The following BCAS1 variants were observed in gnomAD, a reference collection of about 807,000 sequenced individuals.
BCAS1 encodes breast carcinoma-amplified sequence 1.
A neutral mutation model predicts 65.4 loss-of-function variants in BCAS1; 46 were observed. The observed-to-expected ratio is 0.70, with a 90% confidence interval of 0.55 to 0.90. BCAS1 has a LOEUF of 0.90. BCAS1 is among the 40% of genes least tolerant of loss of function. The pLI is 0.00. For missense variants in BCAS1, 793 were observed against 771.2 expected, an observed-to-expected ratio of 1.03 and a Z score of -0.33; for synonymous variants, 298 against 293.5, an observed-to-expected ratio of 1.02 and a Z score of -0.16.
intron 12 of BCAS1, among the ~76,000 whole-genome samples, chr20:53,947,823 C>T (rs1238210839): frequency 6.6e-6 from 1 of 152,210 alleles, no homozygotes; most frequent in East Asian, 1.9e-4. Flanking sequence ...CGACTCATCT[C>T]TGCACCTTTA....
intron 1 of BCAS1, among the ~76,000 whole-genome samples, chr20:54,066,068 A>ATTT (rs1051455563): frequency 2.1e-5 from 3 of 146,028 alleles, no homozygotes; most frequent in Non-Finnish European, 3.0e-5. Context: ...TGAGGCAGGT[A>ATTT]TTTTTTTTCT....
chr20:53,984,001 A>G (rs1291398994), intron 8 of BCAS1, among the ~76,000 whole-genome samples: 2 of 150,002 alleles, frequency 1.3e-5, no homozygotes. Context: ...TACTATCAGA[A>G]CCATTATTTA....
intron 10 of BCAS1, among the ~76,000 whole-genome samples, chr20:53,957,883 G>GTT (rs541840378): frequency 4.3e-5 from 6 of 137,934 alleles, no homozygotes; most frequent in Non-Finnish European, 8.0e-5. Flanking sequence ...GTGTTTTATT[G>GTT]TTTTTTTTTT....
At chr20:53,979,556 C>T (rs192883295) in intron 8 of BCAS1, among the ~76,000 whole-genome samples, 4 of 152,180 alleles carry the variant, frequency 2.6e-5, no homozygotes, top group East Asian at 1.9e-4. Context: ...GGTGAACTCT[C>T]GTGGGCTTGG....
chr20:53,978,669 C>T (rs983822757), intron 8 of BCAS1, among the ~76,000 whole-genome samples: 1 of 152,210 alleles, frequency 6.6e-6, no homozygotes, highest in African/African-American at 2.4e-5. Flanking sequence ...TATTCTTGTA[C>T]ATTTGCACAC....
At chr20:54,065,828 T>C (rs1011579364) in intron 1 of BCAS1, among the ~76,000 whole-genome samples, 5 of 152,198 alleles carry the variant, frequency 3.3e-5, no homozygotes, top group Non-Finnish European at 7.3e-5. Context: ...ATAGATTCCT[T>C]GCGTGGAGCT....
rs755001646 is a variant in BCAS1, at chr20:53,996,048, G to C, written c.726C>G (p.Asp242Glu). 7 of 1,593,178 alleles carry C rather than the reference G, an allele frequency of 4.4e-6. No individual in the cohort carries two copies. Among genetic ancestry groups the C allele is most frequent in the Non-Finnish European group, 5.1e-6 (6 of 1,169,922 alleles). Reference sequence around the variant, plus strand: ...CTTCTTTTTCCTTGCCGTCAACTATGTCCTAGGGGCAAAACAGTTGTCACA... The same window carrying C: ...CTTCTTTTTCCTTGCCGTCAACTATCTCCTAGGGGCAAAACAGTTGTCACA... ...GQSDDVPAGK[D>E]IVDGKEKEGQ... The change falls in exon 5 of 13, where the codon GAC (aspartate) becomes GAG (glutamate). Residue 242 changes from aspartate to glutamate, a missense_variant and splice_region_variant. Physicochemically the swap from Asp to Glu is conservative, Grantham distance 45. Coordinates refer to ENST00000688948, the MANE Select transcript of BCAS1 (RefSeq NM_001366298.2).
At chr20:53,961,763 G>C (rs1416289706) in intron 10 of BCAS1, among the ~76,000 whole-genome samples, 2 of 152,164 alleles carry the variant, frequency 1.3e-5, no homozygotes, top group East Asian at 3.8e-4. Flanking sequence ...GTGAGCTTTA[G>C]AACAACAAAA....
intron 4 of BCAS1, among the ~76,000 whole-genome samples, chr20:54,006,439 G>A (rs2091192187): frequency 6.6e-6 from 1 of 152,180 alleles, no homozygotes; most frequent in African/African-American, 2.4e-5. Flanking sequence ...GCTGGGCATG[G>A]TGGCTCACGC....
intron 4 of BCAS1, among the ~76,000 whole-genome samples, chr20:54,011,662 G>C (rs921421870): frequency 6.6e-6 from 1 of 152,200 alleles, no homozygotes; most frequent in Non-Finnish European, 1.5e-5. Flanking sequence ...TGGTAGAAAT[G>C]TAAAGGGATA....
rs147465018 is a variant in BCAS1, at chr20:54,039,579, T to G, written c.143-10607A>C. On this transcript the variant is annotated intron_variant, in intron 3 of 12. Coordinates refer to ENST00000688948, the MANE Select transcript of BCAS1 (RefSeq NM_001366298.2). ...TTAATCATATATTTCCTGTCATTCA[T>G]GTGCTACAAAACTCTGGAATATGCA... 4.6e-5 allele frequency among the ~76,000 whole-genome samples: 7 copies of G among 151,578 alleles called. 1 individual carries two copies. In the East Asian group the frequency reaches 1.3e-3, roughly 29 times the overall value.
intron 10 of BCAS1, among the ~76,000 whole-genome samples, chr20:53,964,226 G>A (rs1456321668): frequency 6.6e-6 from 1 of 152,190 alleles, no homozygotes; most frequent in African/African-American, 2.4e-5. Context: ...TTCTCTATCA[G>A]GGATTGCAAA....
intron 12 of BCAS1, among the ~76,000 whole-genome samples, chr20:53,947,674 A>G (rs2089371585): frequency 6.6e-6 from 1 of 152,066 alleles, no homozygotes; most frequent in African/African-American, 2.4e-5. Context: ...TCCTGCCAGT[A>G]AGTGGGGTGC....
intron 10 of BCAS1, among the ~76,000 whole-genome samples, chr20:53,959,473 C>T (rs990921389): frequency 6.6e-6 from 1 of 152,152 alleles, no homozygotes. Context: ...AGGCTGGTCT[C>T]AAACTCCTGA....
chr20:53,967,110 CA>C (rs1473978319), intron 9 of BCAS1, 37 bp from the exon 10 acceptor site: 1 of 1,597,732 alleles, frequency 6.3e-7, no homozygotes, highest in African/African-American at 1.3e-5. Context: ...AAATGAAAAA[CA>C]AAACATTCCC....
intron 3 of BCAS1, among the ~76,000 whole-genome samples, chr20:54,051,146 A>G (rs764730037): frequency 6.6e-6 from 1 of 152,164 alleles, no homozygotes; most frequent in Admixed American, 6.5e-5. Context: ...TGTTTCACTA[A>G]ATGGAACAGC....
intron 4 of BCAS1, among the ~76,000 whole-genome samples, chr20:53,998,873 T>C (rs1249891468): frequency 6.6e-6 from 1 of 152,222 alleles, no homozygotes; most frequent in Non-Finnish European, 1.5e-5. Context: ...GCATTAAACA[T>C]ATGTCACTTA....
intron 9 of BCAS1, among the ~76,000 whole-genome samples, chr20:53,974,966 G>A (rs949820139): frequency 6.6e-6 from 1 of 152,172 alleles, no homozygotes; most frequent in Admixed American, 6.5e-5. Flanking sequence ...ATGTTCTCAT[G>A]CCTGATGCAA....
rs1161365072 is a variant in BCAS1 at position 53,944,108 on chromosome 20, TATTC to T, written c.*810_*813del. ...AGGACCCTATTTGAAAAACAACGCT[TATTC>T]ATTCCTTTTTCTATACCCCACACAT... On this transcript the variant is annotated 3_prime_UTR_variant, in exon 13 of 13. Coordinates refer to ENST00000688948, the MANE Select transcript of BCAS1 (RefSeq NM_001366298.2). 2.0e-5 allele frequency: 3 copies of T among 152,114 alleles called. No homozygotes were observed. Among genetic ancestry groups the T allele is most frequent in the African/African-American group, 7.2e-5 (3 of 41,430 alleles). 9.4% of individuals were successfully genotyped at this position (152,114 alleles called of 1,614,324 possible).
Sources: gnomAD v4.1 joint callset for allele counts (sites outside exome capture counted in the v4.1 genomes callset) on GRCh38, gnomAD v4.1.1 for gene constraint, MANE v1.5 for transcripts, NCBI Gene and HGNC (gene_info 2026-07-23, HGNC 2026-07-21) for gene names.